The following NAALADL2 variants were observed in gnomAD, a reference collection of about 807,000 sequenced individuals.
NAALADL2 encodes N-acetylated alpha-linked acidic dipeptidase like 2, also known as inactive N-acetylated-alpha-linked acidic dipeptidase-like protein 2.
A neutral mutation model predicts 87.2 loss-of-function variants in NAALADL2; 76 were observed. The observed-to-expected ratio is 0.87, with a 90% CI of 0.72 to 1.05. The LOEUF (loss-of-function observed/expected upper bound fraction) is 1.05, where lower values mean the gene tolerates loss of function less well. Ranked by LOEUF, NAALADL2 falls within the 50% of genes least tolerant of loss-of-function variation. The pLI is 0.00. For missense variants in NAALADL2, 1,089 were observed against 945.8 expected, an observed-to-expected ratio of 1.15 and a Z score of -1.99; for synonymous variants, 354 against 331.0, an observed-to-expected ratio of 1.07 and a Z score of -0.75.
At chr3:175,380,361 A>G (rs1358655210) in intron 5 of NAALADL2, among the ~76,000 whole-genome samples, 1 of 152,144 alleles carries the variant, frequency 6.6e-6, no homozygotes, top group Non-Finnish European at 1.5e-5. Flanking sequence ...CTCTCTATCC[A>G]CAATGTGAGA....
intron 1 of NAALADL2, among the ~76,000 whole-genome samples, chr3:174,450,330 G>T (rs1257365108): frequency 6.6e-6 from 1 of 152,144 alleles, no homozygotes; most frequent in Non-Finnish European, 1.5e-5. Context: ...AAAATTAGGG[G>T]TTTATATAGC....
upstream of NAALADL2, among the ~76,000 whole-genome samples, chr3:174,855,546 C>T (rs568040856): frequency 3.7e-4 from 57 of 152,166 alleles, no homozygotes; most frequent in Non-Finnish European, 7.1e-4. Flanking sequence ...CGCTTTTAAG[C>T]TTTAATTTGT....
intron 5 of NAALADL2, among the ~76,000 whole-genome samples, chr3:175,419,888 C>T (rs2149117810): frequency 6.6e-6 from 1 of 151,894 alleles, no homozygotes; most frequent in East Asian, 1.9e-4. Context: ...AAAGAAAAAT[C>T]AATAAAACAA....
intron 11 of NAALADL2, among the ~76,000 whole-genome samples, chr3:175,688,693 AG>A (rs1009031149): frequency 2.4e-4 from 36 of 152,034 alleles, no homozygotes; most frequent in Non-Finnish European, 1.5e-5. Flanking sequence ...GGGTGGATGG[AG>A]GGGAAGGGCT....
At chr3:174,657,500 C>T (rs1250856491) in intron 2 of NAALADL2, among the ~76,000 whole-genome samples, 2 of 151,980 alleles carry the variant, frequency 1.3e-5, no homozygotes, top group South Asian at 2.1e-4. Context: ...ATTTTATGTT[C>T]GCAGAAAACT....
intron 11 of NAALADL2, among the ~76,000 whole-genome samples, chr3:175,669,705 T>A (rs373825231): frequency 1.4e-4 from 21 of 152,032 alleles, no homozygotes; most frequent in African/African-American, 5.1e-4. Flanking sequence ...GTGAGAAAAA[T>A]CTGAAATTTC....
At chr3:174,993,953 C>T (rs868850450) in intron 1 of NAALADL2, among the ~76,000 whole-genome samples, 24 of 152,264 alleles carry the variant, frequency 1.6e-4, no homozygotes, top group African/African-American at 5.1e-4. Flanking sequence ...TTGCATTCTC[C>T]CTGTGTGTCT....
rs114803630 is a variant in NAALADL2, at chr3:175,669,367, G to A, written c.1896+41981G>A. On this transcript the variant is annotated intron_variant, in intron 11 of 13. Coordinates refer to ENST00000454872, the MANE Select transcript of NAALADL2 (RefSeq NM_207015.3). The stretch of plus-strand genomic sequence containing the variant: ...TCATTATGACAATAAGTTGTAGGAC[G>A]ATGCAGAACCATTCTAGGTCATATG... Among the ~76,000 whole-genome samples, 255 of 152,094 alleles carry A rather than the reference G, an allele frequency of 1.7e-3. 1 individual carries two copies. Among genetic ancestry groups the A allele is most frequent in the African/African-American group, 5.6e-3 (231 of 41,536 alleles).
At chr3:175,206,523 T>C (rs1740945960) in intron 2 of NAALADL2, among the ~76,000 whole-genome samples, 1 of 151,072 alleles carries the variant, frequency 6.6e-6, no homozygotes. Flanking sequence ...TGAGGACACA[T>C]AAGAGTGAGA....
At position 174,673,654 on chromosome 3, in the gene NAALADL2, C is replaced by CG. The variant is rs1450677430; in HGVS notation, c.-114-63981dup. On this transcript the variant is annotated intron_variant, in intron 2 of 3. Transcript: ENST00000434257. ...CCAAAGGCTGGGAAGGGGGTGTGTT[C>CG]GGGGGGTGAGAGGATGAAGAAGGCT... 1.4e-4 allele frequency among the ~76,000 whole-genome samples: 17 copies of CG among 120,142 alleles called. 1 individual carries two copies. The South Asian group carries it at 4.0e-3, about 28-fold the overall frequency. The allele number at this position is 120,142 out of a possible 152,430, so 78.8% of individuals were successfully genotyped here. A position where few individuals can be genotyped will look rare whatever the true frequency, so the allele number is the denominator to read the frequency against.
intron 2 of NAALADL2, among the ~76,000 whole-genome samples, chr3:175,122,439 A>T (rs1003402361): frequency 6.6e-6 from 1 of 152,016 alleles, no homozygotes; most frequent in Admixed American, 6.6e-5. Flanking sequence ...AAGTATATTC[A>T]TGTTTATGAA....
chr3:174,847,101 C>G (rs895855245), intron 3 of NAALADL2, among the ~76,000 whole-genome samples: 2 of 152,158 alleles, frequency 1.3e-5, no homozygotes, highest in African/African-American at 4.8e-5. Context: ...AATGGTATCA[C>G]TGAGATCCAG....
intron 2 of NAALADL2, among the ~76,000 whole-genome samples, chr3:175,142,554 C>A (rs1330739049): frequency 6.6e-6 from 1 of 151,960 alleles, no homozygotes; most frequent in Non-Finnish European, 1.5e-5. Context: ...GATTTAAACC[C>A]ATGAATCTGC....
chr3:175,760,278 C>G (rs1190012842), intron 13 of NAALADL2, among the ~76,000 whole-genome samples: 3 of 152,080 alleles, frequency 2.0e-5, no homozygotes, highest in South Asian at 4.1e-4. Context: ...CACTATTTGT[C>G]TACATGTAAT....
intron 1 of NAALADL2, among the ~76,000 whole-genome samples, chr3:174,543,083 A>T (rs1166346495): frequency 6.6e-6 from 1 of 152,168 alleles, no homozygotes; most frequent in Non-Finnish European, 1.5e-5. Context: ...TTGATAGTGC[A>T]AGAAGGAGAC....
intron 11 of NAALADL2, among the ~76,000 whole-genome samples, chr3:175,694,034 T>C (rs1438165730): frequency 6.6e-6 from 1 of 152,154 alleles, no homozygotes; most frequent in Non-Finnish European, 1.5e-5. Flanking sequence ...TATAGATGTA[T>C]GTTTCTCACA....
intron 4 of NAALADL2, among the ~76,000 whole-genome samples, chr3:175,276,039 G>GA (rs1753543761): frequency 6.7e-6 from 1 of 150,250 alleles, no homozygotes; most frequent in African/African-American, 2.4e-5. Flanking sequence ...ATAGCCACAT[G>GA]AAAAAATGGC....
chr3:174,876,809 T>A (rs1026882786), intron 1 of NAALADL2, among the ~76,000 whole-genome samples: 4 of 152,172 alleles, frequency 2.6e-5, no homozygotes, highest in African/African-American at 9.6e-5. Flanking sequence ...TGTTCTTAGT[T>A]GGCTTGGGCT....
intron 1 of NAALADL2, among the ~76,000 whole-genome samples, chr3:175,013,115 T>C (rs549923017): frequency 1.3e-4 from 1 of 7,988 alleles, no homozygotes; most frequent in Non-Finnish European, 2.1e-4. Flanking sequence ...TATTTATATA[T>C]AAATATACAT....
Sources: allele counts gnomAD v4.1 joint callset (sites outside exome capture counted in the v4.1 genomes callset), GRCh38; gene constraint gnomAD v4.1.1; transcripts MANE v1.5; gene names NCBI Gene and HGNC (gene_info 2026-07-23, HGNC 2026-07-21).